Variants in FAAH2 observed in about 807,000 individuals in gnomAD.
FAAH2 encodes the protein fatty-acid amide hydrolase 2.
Under a neutral mutation model 36.9 loss-of-function variants are expected in FAAH2, and 60 were observed. The observed-to-expected ratio is 1.63, with a 90% CI of 1.32 to 2.02. The LOEUF (loss-of-function observed/expected upper bound fraction) is 2.02. Ranked by LOEUF, FAAH2 falls within the 30% of genes most tolerant of loss-of-function variation. The probability of loss-of-function intolerance (pLI) is 0.00; values close to 1 mark genes in which losing one functional copy is unlikely to be tolerated. For missense variants in FAAH2, 689 were observed against 397.5 expected (o/e 1.73, Z -6.23); for synonymous variants, 214 against 143.8 (o/e 1.49, Z -3.49).
chrX:57,165,260 A>T, the FAAH2 span, among the ~76,000 whole-genome samples: 1 of 112,187 alleles, frequency 8.9e-6, no homozygotes, highest in Non-Finnish European at 1.9e-5. Flanking sequence ...CTGCGGCATT[A>T]TTCACGATAG....
At chrX:57,223,206 C>A in the FAAH2 span, among the ~76,000 whole-genome samples, 22 of 111,625 alleles carry the variant, frequency 2.0e-4, no homozygotes, top group African/African-American at 6.8e-4. Context: ...ATTGCAGGGG[C>A]CACCAAACCC....
At chrX:57,416,490 C>CT (rs755248705) in intron 7 of FAAH2, among the ~76,000 whole-genome samples, 33 of 111,793 alleles carry the variant, frequency 3.0e-4, no homozygotes, top group African/African-American at 1.0e-3. Context: ...GCTCATGAAG[C>CT]TTTGTTTAGC....
intron 5 of FAAH2, among the ~76,000 whole-genome samples, chrX:57,347,916 G>A (rs774638770): frequency 3.6e-4 from 40 of 110,124 alleles, no homozygotes; most frequent in Non-Finnish European, 6.0e-4. Context: ...GTAGATAGGC[G>A]CTTACTCAAC....
intron 7 of FAAH2, among the ~76,000 whole-genome samples, chrX:57,390,744 A>T (rs889383893): frequency 8.9e-6 from 1 of 111,827 alleles, no homozygotes; most frequent in Non-Finnish European, 1.9e-5. Context: ...ACTTAGGTTT[A>T]TTCCATGACT....
At position 57,295,777 on chromosome X, in the gene FAAH2, C is replaced by T. The variant is rs774940317; in HGVS notation, c.275+3197C>T. Among the ~76,000 whole-genome samples, 78 of 112,100 alleles carry T rather than the reference C, an allele frequency of 7.0e-4. 1 individual carries two copies. The highest frequency in any genetic ancestry group is 4.9e-3 in the South Asian group (13 of 2,654). On this transcript the variant is annotated intron_variant, in intron 2 of 10. Transcript: ENST00000374900. ...CCACCCTAATACTGTGCTTTTCCAA[C>T]AAGCTTAACAAAGGACACACCAGGA...
At chrX:57,310,560 A>G in intron 2 of FAAH2, 33 bp from the exon 3 acceptor site, 1 of 1,177,947 alleles carries the variant, frequency 8.5e-7, no homozygotes. Context: ...TGACTTGTTT[A>G]GTTAAAGTTT....
chrX:57,446,844 C>A, intron 8 of FAAH2, 84 bp from the exon 9 acceptor site: 1 of 544,613 alleles, frequency 1.8e-6, no homozygotes, highest in Non-Finnish European at 2.9e-6. Flanking sequence ...AATGATTATT[C>A]ATATATAAGT....
the FAAH2 span, among the ~76,000 whole-genome samples, chrX:57,180,898 C>T: frequency 3.6e-5 from 4 of 111,227 alleles, no homozygotes; most frequent in Admixed American, 9.6e-5. Flanking sequence ...AATAAAACAC[C>T]GATAAACTAA....
the FAAH2 span, among the ~76,000 whole-genome samples, chrX:57,264,620 G>T: frequency 8.9e-6 from 1 of 112,669 alleles, no homozygotes; most frequent in Non-Finnish European, 1.9e-5. Flanking sequence ...GGAAGACAGT[G>T]TGGTGATTGC....
At chrX:57,187,891 C>G in the FAAH2 span, among the ~76,000 whole-genome samples, 1 of 111,679 alleles carries the variant, frequency 9.0e-6, no homozygotes, top group Non-Finnish European at 1.9e-5. Context: ...TTGAACCAGC[C>G]TTGCATCTCA....
chrX:57,412,342 A>G (rs1015724241), intron 7 of FAAH2, among the ~76,000 whole-genome samples: 9 of 111,476 alleles, frequency 8.1e-5, no homozygotes, highest in Non-Finnish European at 1.1e-4. Context: ...CATCTAAATT[A>G]GGTATTTCTT....
chrX:57,228,621 C>A, the FAAH2 span, among the ~76,000 whole-genome samples: 4 of 111,373 alleles, frequency 3.6e-5, no homozygotes, highest in African/African-American at 1.3e-4. Context: ...CCTCCGTATG[C>A]TGCTCTGTCC....
chrX:57,185,780 CT>C, the FAAH2 span, among the ~76,000 whole-genome samples: 1 of 109,727 alleles, frequency 9.1e-6, no homozygotes, highest in East Asian at 2.9e-4. Flanking sequence ...CATTGCTCAA[CT>C]CCCATTTATG....
At chrX:57,242,008 C>T in the FAAH2 span, among the ~76,000 whole-genome samples, 24,332 of 111,372 alleles carry the variant, frequency 0.22, 2,319 homozygotes, top group Middle Eastern at 0.55. Context: ...AGGCTGTGGG[C>T]GCAGCTTCAG....
the FAAH2 span, among the ~76,000 whole-genome samples, chrX:57,264,467 C>T: frequency 8.9e-6 from 1 of 112,433 alleles, no homozygotes; most frequent in Non-Finnish European, 1.9e-5. Flanking sequence ...AAATGCAAAT[C>T]AAAACCACAA....
chrX:57,163,524 G>A, the FAAH2 span, among the ~76,000 whole-genome samples: 31 of 111,832 alleles, frequency 2.8e-4, no homozygotes, highest in Admixed American at 2.0e-3. Flanking sequence ...CTCCGTGGGC[G>A]TAGGACCCTC....
At chrX:57,327,392 G>T (rs906571468) in intron 3 of FAAH2, among the ~76,000 whole-genome samples, 1 of 110,407 alleles carries the variant, frequency 9.1e-6, no homozygotes, top group African/African-American at 3.3e-5. Context: ...GGCCTGCCTT[G>T]CTAGATTGGG....
intron 8 of FAAH2, among the ~76,000 whole-genome samples, 162 bp downstream of exon 8, chrX:57,432,199 C>T (rs1465374310): frequency 9.0e-6 from 1 of 111,360 alleles, no homozygotes; most frequent in Non-Finnish European, 1.9e-5. Context: ...AATGCCTATA[C>T]GGAATAGGCA....
At chrX:57,189,651 G>A in the FAAH2 span, among the ~76,000 whole-genome samples, 1 of 111,447 alleles carries the variant, frequency 9.0e-6, no homozygotes, top group African/African-American at 3.3e-5. Flanking sequence ...CCCGTCTTCT[G>A]CAGGTCTGCT....
Sources: allele counts gnomAD v4.1 joint callset (sites outside exome capture counted in the v4.1 genomes callset), GRCh38; gene constraint gnomAD v4.1.1; transcripts MANE v1.5; gene names NCBI Gene and HGNC (gene_info 2026-07-23, HGNC 2026-07-21).